Variants in ZNF804A observed in about 807,000 individuals in gnomAD.
The protein encoded by ZNF804A is zinc finger protein 804A.
A neutral mutation model predicts 16.5 loss-of-function variants in ZNF804A; 2 were observed. That is an observed-to-expected ratio of 0.12 (90% CI 0.05 to 0.38). The LOEUF is 0.38. Among genes scored for constraint, ZNF804A ranks in the 10% least tolerant of loss-of-function variants. ZNF804A has a pLI of 0.99. For synonymous variants in ZNF804A, 534 were observed against 489.6 expected (o/e 1.09, Z -1.20); for missense variants, 1,473 against 1,390.7 (o/e 1.06, Z -0.94).
intron 1 of ZNF804A, among the ~76,000 whole-genome samples, chr2:184,773,204 A>G (rs1694243344): frequency 6.6e-6 from 1 of 151,716 alleles, no homozygotes; most frequent in Non-Finnish European, 1.5e-5. Flanking sequence ...AAATAGAAAA[A>G]TACCATTACT....
chr2:184,922,819 G>A (rs750923794), intron 2 of ZNF804A, among the ~76,000 whole-genome samples: 1 of 152,060 alleles, frequency 6.6e-6, no homozygotes, highest in Non-Finnish European at 1.5e-5. Context: ...TGAAGAGACT[G>A]TCATTTCCCC....
chr2:184,938,759 C>T lies in ZNF804A; in HGVS notation c.3363C>T (p.Thr1121=), dbSNP rs1685843679. 6.2e-7 allele frequency: 1 copy of T among 1,613,382 alleles called. No individual in the cohort carries two copies. Among genetic ancestry groups the T allele is most frequent in the Non-Finnish European group, 8.5e-7 (1 of 1,179,734 alleles). ...AAAAAAAAAG[T]FKVLQPHQQF... ...CAGCTGCAGCCGCAGCTGCAGGAACCTTTAAAGTGCTTCAGCCACACCAAC... is the reference window on the plus strand; with the variant it reads ...CAGCTGCAGCCGCAGCTGCAGGAACTTTTAAAGTGCTTCAGCCACACCAAC... Residue 1121 remains threonine (T), a synonymous_variant, in exon 4 of 4, where the codon ACC becomes ACT. Coordinates refer to ENST00000302277, the MANE Select transcript of ZNF804A (RefSeq NM_194250.2).
chr2:184,923,563 C>T (rs901233422), intron 2 of ZNF804A, among the ~76,000 whole-genome samples: 1 of 151,900 alleles, frequency 6.6e-6, no homozygotes, highest in African/African-American at 2.4e-5. Context: ...ATTGATTGCT[C>T]TAGCTAGGAT....
chr2:184,914,235 G>A (rs1685411769), intron 2 of ZNF804A, among the ~76,000 whole-genome samples: 1 of 152,274 alleles, frequency 6.6e-6, no homozygotes, highest in Middle Eastern at 3.4e-3. Flanking sequence ...ATGCTTTTCA[G>A]TAGGAGTCCT....
intron 1 of ZNF804A, among the ~76,000 whole-genome samples, chr2:184,661,567 T>C (rs535274735): frequency 6.6e-6 from 1 of 152,320 alleles, no homozygotes; most frequent in South Asian, 2.1e-4. Context: ...CTTAGAATGC[T>C]GACTGGTCCA....
chr2:184,715,323 C>T lies in ZNF804A; in HGVS notation c.111+116253C>T, dbSNP rs1455861965. Among the ~76,000 whole-genome samples, 8 of 152,098 alleles carry T rather than the reference C, an allele frequency of 5.3e-5. No homozygotes were observed. In the East Asian group the frequency reaches 1.4e-3, roughly 26 times the overall value. On this transcript the variant is annotated intron_variant, in intron 1 of 3. Coordinates refer to ENST00000302277, the MANE Select transcript of ZNF804A (RefSeq NM_194250.2). ...AAAGTGTTCACTTCTGAAAATATGCCCACATTTGTGACTGAGTTTTATAGT... is the reference window on the plus strand; with the variant it reads ...AAAGTGTTCACTTCTGAAAATATGCTCACATTTGTGACTGAGTTTTATAGT...
At chr2:184,859,150 C>A (rs1202544120) in intron 1 of ZNF804A, among the ~76,000 whole-genome samples, 1 of 151,996 alleles carries the variant, frequency 6.6e-6, no homozygotes, top group African/African-American at 2.4e-5. Flanking sequence ...ATATTTATAT[C>A]TTTCCTCAAA....
chr2:184,914,746 A>G (rs1574268735), intron 2 of ZNF804A, among the ~76,000 whole-genome samples: 2 of 152,046 alleles, frequency 1.3e-5, no homozygotes, highest in African/African-American at 2.4e-5. Context: ...TAAATGATAT[A>G]TTTACACGTA....
intron 1 of ZNF804A, among the ~76,000 whole-genome samples, chr2:184,635,925 CAAAT>C (rs1326921208): frequency 6.6e-6 from 1 of 152,002 alleles, no homozygotes; most frequent in East Asian, 1.9e-4. Context: ...GAAATGAAAA[CAAAT>C]AACAGTTTGA....
At chr2:184,713,432 A>G (rs968022521) in intron 1 of ZNF804A, among the ~76,000 whole-genome samples, 1 of 151,830 alleles carries the variant, frequency 6.6e-6, no homozygotes, top group Non-Finnish European at 1.5e-5. Context: ...TAATTTCACC[A>G]TTATGTGGGA....
intron 1 of ZNF804A, among the ~76,000 whole-genome samples, chr2:184,856,830 T>A (rs1413794213): frequency 6.6e-6 from 1 of 152,132 alleles, no homozygotes; most frequent in East Asian, 1.9e-4. Flanking sequence ...ATTATGTACA[T>A]GCACATATTC....
intron 1 of ZNF804A, among the ~76,000 whole-genome samples, chr2:184,861,786 G>T (rs981069025): frequency 1.3e-5 from 2 of 152,080 alleles, no homozygotes; most frequent in African/African-American, 4.8e-5. Flanking sequence ...TAGTATTGGG[G>T]GATAGATTGT....
chr2:184,760,820 A>G (rs1694028120), intron 1 of ZNF804A, among the ~76,000 whole-genome samples: 1 of 152,134 alleles, frequency 6.6e-6, no homozygotes, highest in Non-Finnish European at 1.5e-5. Flanking sequence ...TTTCTCCCAC[A>G]ATACGTTATT....
chr2:184,679,685 G>C (rs1692505305), intron 1 of ZNF804A, among the ~76,000 whole-genome samples: 1 of 152,196 alleles, frequency 6.6e-6, no homozygotes, highest in Admixed American at 6.5e-5. Context: ...ACTTGGGGCA[G>C]TGCTGACATG....
chr2:184,880,673 G>GT (rs34653228), intron 2 of ZNF804A, among the ~76,000 whole-genome samples: 22,100 of 151,932 alleles, frequency 0.15, 1,758 homozygotes, highest in Middle Eastern at 0.24. Context: ...CTGAGTATTT[G>GT]TTTGGATAGA....
chr2:184,892,483 CTTTTTTTT>C (rs869292193), intron 2 of ZNF804A, among the ~76,000 whole-genome samples: 8,394 of 105,744 alleles, frequency 0.079, 881 homozygotes, highest in African/African-American at 0.26. Flanking sequence ...TTGTTGTGTT[CTTTTTTTT>C]TTTTTTTTTT....
At chr2:184,811,231 A>G (rs1026013923) in intron 1 of ZNF804A, among the ~76,000 whole-genome samples, 3 of 152,194 alleles carry the variant, frequency 2.0e-5, no homozygotes, top group African/African-American at 4.8e-5. Flanking sequence ...ATTGACAAGG[A>G]AATGACACAT....
Position 184,936,295 on chromosome 2 carries a change from C to T in ZNF804A, c.899C>T (p.Ser300Phe). The change falls in exon 4 of 4, where the codon TCT (serine) becomes TTT (phenylalanine). Residue 300 changes from serine to phenylalanine, a missense_variant. By Grantham distance (155) the Ser-to-Phe change is radical. Transcript: ENST00000302277. ...CAAACTCAAGAGATAAAAGAAGTCT[C>T]TAGTGAAAAAGATGCATTATTATTA... is the stretch of plus-strand genomic sequence containing the variant. ...TVQTQEIKEV[S>F]SEKDALLLPS... 6.2e-7 allele frequency: 1 copy of T among 1,613,810 alleles called. No individual in the cohort carries two copies. Among genetic ancestry groups the T allele is most frequent in the Non-Finnish European group, 8.5e-7 (1 of 1,179,912 alleles).
rs1397889865 is a variant in ZNF804A at position 184,937,555 on chromosome 2, G to A, written c.2159G>A (p.Arg720Lys). 1 of 1,612,348 alleles carries A rather than the reference G, an allele frequency of 6.2e-7. No homozygotes were observed. Among genetic ancestry groups the A allele is most frequent in the South Asian group, 1.1e-5 (1 of 90,898 alleles). Residue 720 changes from arginine (R) to lysine (K), a missense_variant, in exon 4 of 4, where the codon AGA becomes AAA. Coordinates refer to ENST00000302277, the MANE Select transcript of ZNF804A (RefSeq NM_194250.2). The part of the protein sequence containing the change: ...HSGKHNLTYS[R>K]TYCCWKTKMS... Reference sequence around the variant, plus strand: ...GGGAAACATAATTTAACATATTCTAGAACTTACTGTTGTTGGAAAACCAAA... The same window carrying A: ...GGGAAACATAATTTAACATATTCTAAAACTTACTGTTGTTGGAAAACCAAA...
Sources: gnomAD v4.1 joint callset for allele counts (sites outside exome capture counted in the v4.1 genomes callset) on GRCh38, gnomAD v4.1.1 for gene constraint, MANE v1.5 for transcripts, NCBI Gene and HGNC (gene_info 2026-07-23, HGNC 2026-07-21) for gene names.